MBP: variants seen among roughly 807,000 people sequenced by gnomAD.
The protein encoded by MBP is Golli-MBP.
In MBP, 16 loss-of-function variants were observed where a neutral mutation model predicts 35.8. That is an observed-to-expected ratio of 0.45 (90% CI 0.30 to 0.68). The LOEUF (loss-of-function observed/expected upper bound fraction) is 0.68. MBP is among the 30% of genes least tolerant of loss of function. The pLI, the probability that MBP is intolerant of heterozygous loss-of-function variation, is 0.08. For missense variants in MBP, 380 were observed against 404.7 expected (o/e 0.94, Z 0.52); for synonymous variants, 143 against 159.6 (o/e 0.90, Z 0.78).
chr18:76,988,839 GAA>G lies in MBP; in HGVS notation c.717+36_717+37del. On this transcript the variant is annotated intron_variant, in intron 6 of 8. Coordinates refer to ENST00000355994, the MANE Select transcript of MBP (RefSeq NM_001025101.2). The surrounding 1 kb of genome is among the most constrained non-coding windows in gnomAD (Gnocchi z 5.2). ...ATGGGATTTTAGAGAAGGTCTATCAGAAAAGTGATGATCAATCAAAACATTCC... is the reference window on the plus strand; with the variant it reads ...ATGGGATTTTAGAGAAGGTCTATCAGAAGTGATGATCAATCAAAACATTCC... 1 of 1,596,652 alleles carries G rather than the reference GAA, an allele frequency of 6.3e-7. No homozygotes were observed.
Position 77,056,980 on chromosome 18 carries a change from A to C in MBP, c.139+9318T>G, listed in dbSNP as rs1973751569. On this transcript the variant is annotated intron_variant, in intron 3 of 8. Transcript: ENST00000355994. The stretch of plus-strand genomic sequence containing the variant: ...CCCACGGCGTGAGATTTCACCACTC[A>C]GCCGCTGAGAAGCAGGGGGTCTTTG... Among the ~76,000 whole-genome samples the C allele has an allele frequency of 2.0e-5, 3 of 152,144 alleles. No individual in the cohort carries two copies. In the South Asian group the frequency reaches 6.2e-4, roughly 32 times the overall value.
chr18:77,111,441 T>C (rs1235465631), intron 1 of MBP, among the ~76,000 whole-genome samples: 1 of 152,218 alleles, frequency 6.6e-6, no homozygotes, highest in Non-Finnish European at 1.5e-5. Context: ...AGTGGAACTG[T>C]GGAAATTCCA....
At chr18:77,029,078 G>A (rs1599102686) in intron 3 of MBP, among the ~76,000 whole-genome samples, 1 of 100,866 alleles carries the variant, frequency 9.9e-6, no homozygotes, top group African/African-American at 2.8e-5. Flanking sequence ...GGTGGAGGTT[G>A]TAGCGAGCCG....
In MBP at chr18:77,131,095, ACACACACACACACACACACACACACC is replaced by A. The variant is rs1977249917; in HGVS notation, c.-26+1459_-26+1484del. Among the ~76,000 whole-genome samples, 2 of 58,936 alleles carry A rather than the reference ACACACACACACACACACACACACACC, an allele frequency of 3.4e-5. No homozygotes were observed. Among genetic ancestry groups the A allele is most frequent in the African/African-American group, 6.9e-5 (2 of 29,066 alleles). 38.7% of individuals were successfully genotyped at this position (58,936 alleles called of 152,430 possible). The stretch of plus-strand genomic sequence containing the variant: ...CGCGCGCACGCACGCGCACACACAC[ACACACACACACACACACACACACACC>A]CCCTCTGCCGCGGTACCCTTCCCCT... On this transcript the variant is annotated intron_variant, in intron 1 of 8. Coordinates refer to ENST00000355994, the MANE Select transcript of MBP (RefSeq NM_001025101.2). This position sits in a 1 kb window ranked among gnomAD's most constrained non-coding sequence, Gnocchi z 5.5.
intron 2 of MBP, among the ~76,000 whole-genome samples, chr18:77,097,728 C>T (rs747203477): frequency 6.6e-6 from 1 of 152,080 alleles, no homozygotes; most frequent in Non-Finnish European, 1.5e-5. Flanking sequence ...GGCTGTCTCC[C>T]AGCAATCGCT....
intron 3 of MBP, among the ~76,000 whole-genome samples, chr18:77,058,808 A>AGGCC (rs1172902304): frequency 2.6e-5 from 4 of 152,264 alleles, no homozygotes; most frequent in Non-Finnish European, 5.9e-5. Flanking sequence ...AGCCTGGAGA[A>AGGCC]GGCCACTGCC....
At chr18:77,009,755 G>T in intron 4 of MBP, 1 of 1,156,606 alleles carries the variant, frequency 8.6e-7, no homozygotes, top group Non-Finnish European at 1.2e-6. Context: ...GCCCCTGGCA[G>T]TGACACTACC....
chr18:77,072,534 C>T (rs890827662), intron 2 of MBP, among the ~76,000 whole-genome samples: 1 of 152,196 alleles, frequency 6.6e-6, no homozygotes, highest in Non-Finnish European at 1.5e-5. Context: ...ACATTATAAT[C>T]ATACTTTTCT....
chr18:77,091,771 C>G (rs1407858404), intron 2 of MBP, among the ~76,000 whole-genome samples: 1 of 151,982 alleles, frequency 6.6e-6, no homozygotes, highest in Non-Finnish European at 1.5e-5. Flanking sequence ...ATATGCCACA[C>G]ACACACCACA....
intron 2 of MBP, among the ~76,000 whole-genome samples, chr18:77,092,307 G>T (rs906108228): frequency 6.6e-6 from 1 of 152,172 alleles, no homozygotes; most frequent in African/African-American, 2.4e-5. Flanking sequence ...CCTCGCGGGG[G>T]CATCTGCAGA....
chr18:77,067,232 A>C (rs1041762459), intron 2 of MBP, among the ~76,000 whole-genome samples: 13 of 152,202 alleles, frequency 8.5e-5, no homozygotes, highest in Non-Finnish European at 1.5e-5. Flanking sequence ...TCTGGGAGGC[A>C]GCTGGCATTT....
chr18:77,058,978 C>A (rs906341349), intron 3 of MBP, among the ~76,000 whole-genome samples: 2 of 149,326 alleles, frequency 1.3e-5, no homozygotes, highest in African/African-American at 5.0e-5. Context: ...CAACTTACAA[C>A]CCCCTGAGGC....
intron 3 of MBP, among the ~76,000 whole-genome samples, chr18:77,042,001 C>T (rs1450716752): frequency 6.6e-6 from 1 of 151,984 alleles, no homozygotes; most frequent in African/African-American, 2.4e-5. Context: ...GACCCCGCAT[C>T]ATCGATTTGT....
At chr18:77,038,343 G>T (rs1972857140) in intron 3 of MBP, among the ~76,000 whole-genome samples, 1 of 152,246 alleles carries the variant, frequency 6.6e-6, no homozygotes, top group Admixed American at 6.5e-5. Context: ...CTGGGTTCCA[G>T]GTTGCAAAGA....
chr18:77,042,992 A>ATAAC (rs1472492280), intron 3 of MBP, among the ~76,000 whole-genome samples: 5 of 152,266 alleles, frequency 3.3e-5, no homozygotes, highest in African/African-American at 1.2e-4. Flanking sequence ...ATGGCCTTGG[A>ATAAC]TAACTCTCTT....
At chr18:77,038,527 C>T (rs911422905) in intron 3 of MBP, among the ~76,000 whole-genome samples, 3 of 152,188 alleles carry the variant, frequency 2.0e-5, no homozygotes, top group Admixed American at 6.5e-5. Flanking sequence ...GCTATCATGC[C>T]GTAACTGGGT....
chr18:77,047,406 A>G (rs1313049170), intron 3 of MBP, among the ~76,000 whole-genome samples: 1 of 152,252 alleles, frequency 6.6e-6, no homozygotes. Flanking sequence ...CATTTACAGG[A>G]AGAATCCAGG....
Position 77,037,711 on chromosome 18 carries a change from G to A in MBP, c.140-20443C>T, listed in dbSNP as rs76673803. Among the ~76,000 whole-genome samples, 346 of 152,326 alleles carry A rather than the reference G, an allele frequency of 2.3e-3. 12 individuals carry two copies. The East Asian group carries it at 0.057, about 25-fold the overall frequency. On this transcript the variant is annotated intron_variant, in intron 3 of 8. Transcript: ENST00000355994. ...CTGGCTTGCAGGATGAGAGGAGGAG[G>A]AAGCGTGCTCAGCCTCTCTGATGAA...
chr18:76,984,483 A>G, intron 8 of MBP: 1 of 374,190 alleles, frequency 2.7e-6, no homozygotes, highest in Non-Finnish European at 5.0e-6. Context: ...GTTGGACTCC[A>G]GCTGGGCCCT....
Sources: gnomAD v4.1 joint callset for allele counts (sites outside exome capture counted in the v4.1 genomes callset) on GRCh38, gnomAD v4.1.1 for gene constraint, Gnocchi (gnomAD v3.1) non-coding constraint, MANE v1.5 for transcripts, NCBI Gene and HGNC (gene_info 2026-07-23, HGNC 2026-07-21) for gene names.